Variants in NAV2 observed in about 807,000 individuals in gnomAD.
The protein encoded by NAV2 is neuron navigator 2, also known as helicase, APC down-regulated 1.
Under a neutral mutation model 223.2 loss-of-function variants are expected in NAV2, and 54 were observed. The observed-to-expected ratio is 0.24, with a 90% CI of 0.19 to 0.30. The LOEUF is 0.30. Among genes scored for constraint, NAV2 ranks in the 10% least tolerant of loss-of-function variants. NAV2 has a pLI of 1.00. For synonymous variants in NAV2, 1,279 were observed against 1,239.3 expected (o/e 1.03, Z -0.67); for missense variants, 2,806 against 3,147.5 (o/e 0.89, Z 2.60).
chr11:19,755,385 T>G (rs11025241), intron 1 of NAV2, among the ~76,000 whole-genome samples: 16,885 of 152,232 alleles, frequency 0.11, 1,097 homozygotes, highest in East Asian at 0.24. Flanking sequence ...GAAGGTGACT[T>G]TGATGGAAGA....
intron 1 of NAV2, among the ~76,000 whole-genome samples, chr11:19,433,529 T>G (rs1851107616): frequency 6.6e-6 from 1 of 152,206 alleles, no homozygotes; most frequent in Admixed American, 6.5e-5. Flanking sequence ...AGGACTGAAT[T>G]TGGAAGGAGG....
intron 22 of NAV2, among the ~76,000 whole-genome samples, chr11:20,072,297 A>G (rs920156305): frequency 6.6e-6 from 1 of 152,106 alleles, no homozygotes; most frequent in African/African-American, 2.4e-5. Context: ...ATTGGTCTAT[A>G]TATCTGTTTT....
chr11:19,485,157 T>C (rs981000680), intron 1 of NAV2, among the ~76,000 whole-genome samples: 5 of 152,164 alleles, frequency 3.3e-5, no homozygotes, highest in Admixed American at 3.3e-4. Flanking sequence ...GGTCCTTATC[T>C]AGGGGCCTAA....
At chr11:19,506,740 A>T (rs1365982510) in intron 1 of NAV2, 1 of 152,244 alleles carries the variant, frequency 6.6e-6, no homozygotes, top group Non-Finnish European at 1.5e-5. Flanking sequence ...GTAGCTCTGA[A>T]AGGAAGGAGA....
At chr11:20,078,201 T>A in intron 24 of NAV2, 97 bp downstream of exon 24, 1 of 870,966 alleles carries the variant, frequency 1.1e-6, no homozygotes, top group South Asian at 1.5e-5. Flanking sequence ...TAGAAGACAG[T>A]GTCTGCGTAA....
intron 31 of NAV2, among the ~76,000 whole-genome samples, chr11:20,099,043 C>T (rs1329506044): frequency 2.6e-5 from 4 of 152,212 alleles, no homozygotes; most frequent in Non-Finnish European, 5.9e-5. Flanking sequence ...ATGACTCTGG[C>T]CCACTATAGG....
chr11:19,752,103 T>C (rs1371923178), intron 1 of NAV2, among the ~76,000 whole-genome samples: 1 of 152,186 alleles, frequency 6.6e-6, no homozygotes, highest in African/African-American at 2.4e-5. Flanking sequence ...GATCAAACAT[T>C]TTCAGAAGGA....
chr11:19,776,632 A>ATTG (rs766884791), intron 1 of NAV2, among the ~76,000 whole-genome samples: 3 of 64,616 alleles, frequency 4.6e-5, no homozygotes, highest in African/African-American at 6.6e-5. Context: ...GGGTCAGAAA[A>ATTG]TGTGTGTGTG....
intron 1 of NAV2, among the ~76,000 whole-genome samples, chr11:19,456,025 A>G (rs2632045): frequency 0.57 from 86,038 of 152,058 alleles, 24,476 homozygotes; most frequent in East Asian, 0.65. Context: ...AGGCCAAGCC[A>G]GGCAGCACTA....
chr11:19,849,978 C>A lies in NAV2; in HGVS notation c.438+7055C>A, dbSNP rs137955571. Among the ~76,000 whole-genome samples the A allele has an allele frequency of 6.9e-4, 105 of 152,256 alleles. 2 individuals are homozygous for A. The East Asian group carries it at 0.011, about 16-fold the overall frequency. Reference sequence around the variant, plus strand: ...ATTTCCCTCTCCATACTCTTTAGCACGGAATAGAAGATCCTTCAAGATCTG... The same window carrying A: ...ATTTCCCTCTCCATACTCTTTAGCAAGGAATAGAAGATCCTTCAAGATCTG... On this transcript the variant is annotated intron_variant, in intron 3 of 37. Coordinates refer to ENST00000349880, the MANE Select transcript of NAV2 (RefSeq NM_145117.5).
intron 1 of NAV2, among the ~76,000 whole-genome samples, chr11:19,445,069 TG>T (rs2133735929): frequency 6.6e-6 from 1 of 152,330 alleles, no homozygotes; most frequent in East Asian, 1.9e-4. Flanking sequence ...TATTTATCAA[TG>T]GAGAATCAGG....
At chr11:19,807,823 G>A (rs534053501) in intron 1 of NAV2, among the ~76,000 whole-genome samples, 30 of 152,140 alleles carry the variant, frequency 2.0e-4, no homozygotes, top group Admixed American at 8.5e-4. Flanking sequence ...TCTATCCTCC[G>A]TCTGATACAG....
At chr11:19,982,111 G>A (rs2050347680) in intron 10 of NAV2, among the ~76,000 whole-genome samples, 1 of 151,988 alleles carries the variant, frequency 6.6e-6, no homozygotes, top group Admixed American at 6.5e-5. Context: ...TAGTGTGAGA[G>A]ACATGCATTG....
At chr11:19,622,982 T>C (rs1157969481) in intron 1 of NAV2, among the ~76,000 whole-genome samples, 1 of 152,224 alleles carries the variant, frequency 6.6e-6, no homozygotes, top group Admixed American at 6.5e-5. Context: ...TCTCTCAGCA[T>C]TTGCTTGTCT....
chr11:19,954,670 T>C (rs1328626233), intron 10 of NAV2, among the ~76,000 whole-genome samples: 1 of 152,204 alleles, frequency 6.6e-6, no homozygotes, highest in African/African-American at 2.4e-5. Context: ...TCATGCATCA[T>C]TTGCATGTAT....
At chr11:19,574,208 C>A (rs1021689515) in intron 1 of NAV2, among the ~76,000 whole-genome samples, 49 of 152,328 alleles carry the variant, frequency 3.2e-4, no homozygotes, top group African/African-American at 1.1e-3. Context: ...GAGCAGTAAT[C>A]ATGCTTACCT....
Position 19,713,261 on chromosome 11 carries a change from G to C in NAV2, c.-435G>C. The C allele has an allele frequency of 2.0e-6, 2 of 979,224 alleles. No individual in the cohort carries two copies. Among genetic ancestry groups the C allele is most frequent in the Non-Finnish European group, 2.4e-6 (2 of 820,014 alleles). 60.7% of individuals were successfully genotyped at this position (979,224 alleles called of 1,614,324 possible). A position where few individuals can be genotyped will look rare whatever the true frequency, so the allele number is the denominator to read the frequency against. ...CGCCGGCTCAGACCCGTAGCCTCCGGAACGGGACTCGTGGGTCGCCGCCGC... is the reference window on the plus strand; with the variant it reads ...CGCCGGCTCAGACCCGTAGCCTCCGCAACGGGACTCGTGGGTCGCCGCCGC... On this transcript the variant is annotated 5_prime_UTR_variant, in exon 1 of 38. Coordinates refer to ENST00000349880, the MANE Select transcript of NAV2 (RefSeq NM_145117.5). This position sits in a 1 kb window ranked among gnomAD's most constrained non-coding sequence, Gnocchi z 7.2.
intron 1 of NAV2, among the ~76,000 whole-genome samples, chr11:19,409,104 T>C (rs145590420): frequency 5.9e-5 from 9 of 152,262 alleles, no homozygotes; most frequent in East Asian, 5.8e-4. Context: ...GTCTTTTTTT[T>C]CCCCTTTGGG....
At chr11:20,102,694 C>T (rs1268843476) in intron 32 of NAV2, among the ~76,000 whole-genome samples, 4 of 152,150 alleles carry the variant, frequency 2.6e-5, no homozygotes, top group African/African-American at 9.7e-5. Context: ...ATTATTCTTC[C>T]TCTTCCATTT....
Sources: allele counts gnomAD v4.1 joint callset (sites outside exome capture counted in the v4.1 genomes callset), GRCh38; gene constraint gnomAD v4.1.1; non-coding constraint Gnocchi (gnomAD v3.1); transcripts MANE v1.5; gene names NCBI Gene and HGNC (gene_info 2026-07-23, HGNC 2026-07-21).